Variants in ADGRA2 observed in about 807,000 individuals in gnomAD.
ADGRA2 encodes G-protein coupled receptor 124.
In ADGRA2, 61 loss-of-function variants were observed where a neutral mutation model predicts 98.7. The observed-to-expected ratio is 0.62, with a 90% CI of 0.50 to 0.76. The LOEUF is 0.76. ADGRA2 is among the 30% of genes least tolerant of loss of function. The pLI is 0.00. For missense variants in ADGRA2, 1,712 were observed against 1,860.0 expected (o/e 0.92, Z 1.46); for synonymous variants, 858 against 831.5 (o/e 1.03, Z -0.55).
At position 37,805,307 on chromosome 8, in the gene ADGRA2, A is replaced by G. The variant is rs547640334; in HGVS notation, c.266+7773A>G. ...CCCTTCTGTCCTTACAGTCTCCTGG[A>G]GACAGGTACCAGCTTACAACGCCGG... is the stretch of plus-strand genomic sequence containing the variant. On this transcript the variant is annotated intron_variant, in intron 1 of 18. Coordinates refer to ENST00000412232, the MANE Select transcript of ADGRA2 (RefSeq NM_032777.10). Among the ~76,000 whole-genome samples the G allele has an allele frequency of 2.6e-4, 40 of 152,350 alleles. No homozygotes were observed. In the East Asian group the frequency reaches 7.3e-3, roughly 28 times the overall value.
chr8:37,816,593 AACACACACACACACACAC>A (rs545433349), intron 2 of ADGRA2, among the ~76,000 whole-genome samples: 13 of 131,294 alleles, frequency 9.9e-5, no homozygotes, highest in South Asian at 2.6e-4. Context: ...CTCCGTCTCA[AACACACACACACACACAC>A]ACACACACAC....
rs1205393970 is a variant in ADGRA2 at position 37,842,052 on chromosome 8, G to T, written c.3714G>T (p.Pro1238=). ...ACCTGGGCAGCAGCCGCAACAGCCC[G>T]GGCGCCGGCCTGCAGCTGGAAGGCG... ...DSYLGSSRNS[P]GAGLQLEGEP... is the part of the protein sequence containing the mutation. Residue 1238 remains proline (P), a synonymous_variant, in exon 19 of 19, where the codon CCG becomes CCT. Coordinates refer to ENST00000412232, the MANE Select transcript of ADGRA2 (RefSeq NM_032777.10). 5 of 1,517,520 alleles carry T rather than the reference G, an allele frequency of 3.3e-6. No individual in the cohort carries two copies. In the East Asian group the frequency reaches 1.3e-4, roughly 39 times the overall value. The allele number at this position is 1,517,520 out of a possible 1,614,324, so 94.0% of individuals were successfully genotyped here.
At chr8:37,833,622 C>A in intron 9 of ADGRA2, 66 bp from the exon 10 acceptor site, 1 of 1,540,872 alleles carries the variant, frequency 6.5e-7, no homozygotes, top group Admixed American at 1.7e-5. Context: ...AGCAGAGGGT[C>A]CCCAGGGGCA....
chr8:37,798,794 C>T (rs867720014), intron 1 of ADGRA2, among the ~76,000 whole-genome samples: 1 of 152,230 alleles, frequency 6.6e-6, no homozygotes, highest in East Asian at 1.9e-4. Flanking sequence ...CAGCCTCTGA[C>T]GCTGGCCGCC....
chr8:37,839,583 G>A lies in ADGRA2; in HGVS notation c.2472G>A (p.Gly824=), dbSNP rs1223757241. Reference sequence around the variant, plus strand: ...CCATGACCTCTGCTGTCTTTGCGGGGGGCATCACACTCACCAACTACCAGA... The same window carrying A: ...CCATGACCTCTGCTGTCTTTGCGGGAGGCATCACACTCACCAACTACCAGA... The part of the protein sequence containing the change: ...HIAMTSAVFA[G]GITLTNYQMV... The change falls in exon 16 of 19, where the codon GGG becomes GGA. Residue 824 remains glycine, a synonymous_variant. Coordinates refer to ENST00000412232, the MANE Select transcript of ADGRA2 (RefSeq NM_032777.10). 1 of 1,614,116 alleles carries A rather than the reference G, an allele frequency of 6.2e-7. No homozygotes were observed. Among genetic ancestry groups the A allele is most frequent in the Non-Finnish European group, 8.5e-7 (1 of 1,180,016 alleles).
Position 37,832,920 on chromosome 8 carries a change from A to G in ADGRA2, c.1098-90A>G, listed in dbSNP as rs1805495499. The G allele has an allele frequency of 1.1e-5, 11 of 977,416 alleles. 1 individual carries two copies. The South Asian group carries it at 1.2e-4, about 10-fold the overall frequency. 60.5% of individuals were successfully genotyped at this position (977,416 alleles called of 1,614,324 possible). On this transcript the variant is annotated intron_variant, in intron 8 of 18. Transcript: ENST00000412232. Reference sequence around the variant, plus strand: ...TCCTGGATCCCTCCCCAAGGCCCCAAGGAGTCCGGCCTCACCGTTCTAAAG... The same window carrying G: ...TCCTGGATCCCTCCCCAAGGCCCCAGGGAGTCCGGCCTCACCGTTCTAAAG...
chr8:37,842,260 G>A lies in ADGRA2; in HGVS notation c.3922G>A (p.Gly1308Arg), dbSNP rs1324773504. ...NAASLNGAPK[G>R]GKYDDVTLMG... Reference sequence around the variant, plus strand: ...CGCCAGCCTAAACGGCGCCCCCAAGGGGGGCAAGTACGACGACGTCACCCT... The same window carrying A: ...CGCCAGCCTAAACGGCGCCCCCAAGAGGGGCAAGTACGACGACGTCACCCT... The change falls in exon 19 of 19, where the codon GGG (glycine) becomes AGG (arginine). Residue 1308 changes from glycine (G) to arginine (R), a missense_variant. Physicochemically the swap from Gly to Arg is moderately radical, Grantham distance 125. Coordinates refer to ENST00000412232, the MANE Select transcript of ADGRA2 (RefSeq NM_032777.10). 3 of 1,566,126 alleles carry A rather than the reference G, an allele frequency of 1.9e-6. No homozygotes were observed. The highest frequency in any genetic ancestry group is 2.6e-6 in the Non-Finnish European group (3 of 1,157,320).
chr8:37,816,596 ACACACACAC>A (rs1804989017), intron 2 of ADGRA2, among the ~76,000 whole-genome samples: 1 of 78,344 alleles, frequency 1.3e-5, no homozygotes, highest in African/African-American at 4.9e-5. Flanking sequence ...CGTCTCAAAC[ACACACACAC>A]ACACACACAC....
At chr8:37,809,811 G>A (rs1023551856) in intron 1 of ADGRA2, among the ~76,000 whole-genome samples, 3 of 152,190 alleles carry the variant, frequency 2.0e-5, no homozygotes, top group African/African-American at 7.2e-5. Context: ...CAGAGAGAGA[G>A]GGGTGGGTGG....
rs1339405891 is a variant in ADGRA2 at position 37,797,349 on chromosome 8, G to C, written c.81G>C (p.Leu27=). 2.1e-6 allele frequency: 3 copies of C among 1,402,580 alleles called. No homozygotes were observed. The African/African-American group carries it at 4.5e-5, about 21-fold the overall frequency. 86.9% of individuals were successfully genotyped at this position (1,402,580 alleles called of 1,614,324 possible). ...TGCTGCCGTGGCTCCTGCTGCTCCT[G>C]GCGCCCGAGGCTCGGGGCGCGCCCG... ...LPLLPWLLLL[L]APEARGAPGC... The change falls in exon 1 of 19, where the codon CTG becomes CTC. Residue 27 remains leucine (L), a synonymous_variant. Coordinates refer to ENST00000412232, the MANE Select transcript of ADGRA2 (RefSeq NM_032777.10). The surrounding 1 kb of genome is among the most constrained non-coding windows in gnomAD (Gnocchi z 5.3).
chr8:37,841,884 G>A lies in ADGRA2; in HGVS notation c.3546G>A (p.Ala1182=), dbSNP rs761082113. ...HPNNVHHGRR[A]HKSRAKGHRA... is the part of the protein sequence containing the mutation. Reference sequence around the variant, plus strand: ...ACAACGTGCACCACGGGCGTCGGGCGCACAAGAGCCGGGCCAAGGGACACC... The same window carrying A: ...ACAACGTGCACCACGGGCGTCGGGCACACAAGAGCCGGGCCAAGGGACACC... Residue 1182 remains alanine, a synonymous_variant, in exon 19 of 19, where the codon GCG becomes GCA. Coordinates refer to ENST00000412232, the MANE Select transcript of ADGRA2 (RefSeq NM_032777.10). This position sits in a 1 kb window ranked among gnomAD's most constrained non-coding sequence, Gnocchi z 5.0. The A allele has an allele frequency of 1.3e-6, 2 of 1,534,592 alleles. No homozygotes were observed. Among genetic ancestry groups the A allele is most frequent in the Non-Finnish European group, 1.7e-6 (2 of 1,146,932 alleles).
At chr8:37,825,029 G>A (rs1475884444) in intron 2 of ADGRA2, among the ~76,000 whole-genome samples, 1 of 152,152 alleles carries the variant, frequency 6.6e-6, no homozygotes, top group African/African-American at 2.4e-5. Context: ...TCTGGCTTAG[G>A]GGAATCCTCC....
Position 37,835,745 on chromosome 8 carries a change from C to T in ADGRA2, c.2025C>T (p.Ala675=). The change falls in exon 13 of 19, where the codon GCC becomes GCT. Residue 675 remains alanine, a synonymous_variant. Transcript: ENST00000412232. ...AAGPGKRRGV[A]TPVIFAGTSG... ...GGCCTGGCAAGAGGCGTGGCGTGGCCACCCCCGTCATCTTCGCAGGAACCA... is the reference window on the plus strand; with the variant it reads ...GGCCTGGCAAGAGGCGTGGCGTGGCTACCCCCGTCATCTTCGCAGGAACCA... 1.9e-6 allele frequency: 3 copies of T among 1,612,846 alleles called. No individual in the cohort carries two copies. Among genetic ancestry groups the T allele is most frequent in the Non-Finnish European group, 2.5e-6 (3 of 1,179,162 alleles).
Position 37,834,819 on chromosome 8 carries a change from G to C in ADGRA2, c.1609-355G>C, listed in dbSNP as rs2130031165. On this transcript the variant is annotated intron_variant, in intron 11 of 18. Transcript: ENST00000412232. This position sits in a 1 kb window ranked among gnomAD's most constrained non-coding sequence, Gnocchi z 4.2. ...AGGTGGGAGGATCACTTGAGGCCTG[G>C]AATTTGAGACTAGCCTGGGCAACAT... Among the ~76,000 whole-genome samples the C allele has an allele frequency of 6.6e-6, 1 of 152,210 alleles. No individual in the cohort carries two copies. The highest frequency in any genetic ancestry group is 1.5e-5 in the Non-Finnish European group (1 of 68,010).
chr8:37,829,483 T>G lies in ADGRA2; in HGVS notation c.483-5T>G, dbSNP rs937553850. 2.5e-6 allele frequency: 4 copies of G among 1,611,704 alleles called. No homozygotes were observed. Among genetic ancestry groups the G allele is most frequent in the South Asian group, 2.2e-5 (2 of 91,034 alleles). The stretch of plus-strand genomic sequence containing the variant: ...CCCATCTCAGTTGTCCCCTGTTCCC[T>G]GCAGAAACATATCTGGAAACATCTT... On this transcript the variant is annotated splice_polypyrimidine_tract_variant and splice_region_variant and intron_variant, in intron 4 of 18. Coordinates refer to ENST00000412232, the MANE Select transcript of ADGRA2 (RefSeq NM_032777.10).
Position 37,797,740 on chromosome 8 carries a change from C to CG in ADGRA2, c.266+211dup, listed in dbSNP as rs1435834702. Reference sequence around the variant, plus strand: ...GGAGCGTGGAGGCGGGAAGGGGCTGCGGGGGACAGGCGCACCCCAGAGAAA... The same window carrying CG: ...GGAGCGTGGAGGCGGGAAGGGGCTGCGGGGGGACAGGCGCACCCCAGAGAAA... On this transcript the variant is annotated intron_variant, in intron 1 of 18. Transcript: ENST00000412232. The surrounding 1 kb of genome is among the most constrained non-coding windows in gnomAD (Gnocchi z 5.3). 6.6e-6 allele frequency among the ~76,000 whole-genome samples: 1 copy of CG among 152,134 alleles called. No homozygotes were observed. Among genetic ancestry groups the CG allele is most frequent in the African/African-American group, 2.4e-5 (1 of 41,446 alleles).
In ADGRA2 at chr8:37,837,870, G is replaced by C. The variant is rs561721576; in HGVS notation, c.2190G>C (p.Gln730His). ...EAGGWTSEGCQLRSSQPNVSA... is the reference protein window; with the variant it reads ...EAGGWTSEGCHLRSSQPNVSA... ...GGGGCTGGACCTCGGAGGGCTGCCA[G>C]CTCCGCTCCAGCCAGCCCAATGTCA... The change falls in exon 14 of 19, where the codon CAG becomes CAC. Residue 730 changes from glutamine (Q) to histidine (H), a missense_variant. By Grantham distance (24) the Gln-to-His change is conservative. Coordinates refer to ENST00000412232, the MANE Select transcript of ADGRA2 (RefSeq NM_032777.10). 1.5e-5 allele frequency: 23 copies of C among 1,500,458 alleles called. No homozygotes were observed. In the South Asian group the frequency reaches 2.8e-4, roughly 18 times the overall value. The allele number at this position is 1,500,458 out of a possible 1,614,324, so 92.9% of individuals were successfully genotyped here.
chr8:37,842,255 C>A lies in ADGRA2; in HGVS notation c.3917C>A (p.Pro1306His). The A allele has an allele frequency of 6.4e-7, 1 of 1,561,520 alleles. No homozygotes were observed. Among genetic ancestry groups the A allele is most frequent in the East Asian group, 2.4e-5 (1 of 41,748 alleles). ...AACGCCGCCAGCCTAAACGGCGCCCCCAAGGGGGGCAAGTACGACGACGTC... is the reference window on the plus strand; with the variant it reads ...AACGCCGCCAGCCTAAACGGCGCCCACAAGGGGGGCAAGTACGACGACGTC... Reference protein sequence around the residue: ...PLNAASLNGAPKGGKYDDVTL... With the variant: ...PLNAASLNGAHKGGKYDDVTL... Residue 1306 changes from proline (P) to histidine (H), a missense_variant, in exon 19 of 19, where the codon CCC becomes CAC. Physicochemically the swap from Pro to His is moderately conservative, Grantham distance 77 (BLOSUM62 -2). Coordinates refer to ENST00000412232, the MANE Select transcript of ADGRA2 (RefSeq NM_032777.10).
intron 2 of ADGRA2, among the ~76,000 whole-genome samples, chr8:37,816,422 A>G (rs1209327657): frequency 6.6e-6 from 1 of 151,830 alleles, no homozygotes; most frequent in African/African-American, 2.4e-5. Context: ...GTAAAACCCC[A>G]CCTCTACTAA....
Sources: allele counts gnomAD v4.1 joint callset (sites outside exome capture counted in the v4.1 genomes callset), GRCh38; gene constraint gnomAD v4.1.1; non-coding constraint Gnocchi (gnomAD v3.1); transcripts MANE v1.5; gene names NCBI Gene and HGNC (gene_info 2026-07-23, HGNC 2026-07-21).